The following TMPRSS6 variants were observed in gnomAD, a reference collection of about 807,000 sequenced individuals.
TMPRSS6 encodes transmembrane protease serine 6.
TMPRSS6 carries 67 observed loss-of-function variants against 101.5 expected under a neutral mutation model. The ratio of observed to expected loss-of-function variants is 0.66; its 90% CI spans 0.54 to 0.81. TMPRSS6 has a LOEUF of 0.81. Among genes scored for constraint, TMPRSS6 ranks in the 30% least tolerant of loss-of-function variants. The pLI is 0.00. For synonymous variants in TMPRSS6, 453 were observed against 464.9 expected, an observed-to-expected ratio of 0.97 and a Z score of 0.33; for missense variants, 1,034 against 1,088.7, an observed-to-expected ratio of 0.95 and a Z score of 0.71.
intron 13 of TMPRSS6, among the ~76,000 whole-genome samples, chr22:37,072,484 T>TG (rs1443175684): frequency 7.3e-5 from 4 of 54,796 alleles, no homozygotes; most frequent in African/African-American, 8.1e-5. Flanking sequence ...GATGGATGGA[T>TG]GATGGATGAT....
chr22:37,073,785 C>T (rs1012060065), intron 12 of TMPRSS6, 140 bp from the exon 13 acceptor site: 51 of 708,184 alleles, frequency 7.2e-5, no homozygotes, highest in Admixed American at 1.6e-4. Context: ...TTTTATGTCT[C>T]GCTCTTGTCA....
Position 37,074,603 on chromosome 22 carries a change from TACTCACCGC to T in TMPRSS6, c.1439_1441+6del. 2 of 1,612,406 alleles carry T rather than the reference TACTCACCGC, an allele frequency of 1.2e-6. No individual in the cohort carries two copies. The highest frequency in any genetic ancestry group is 1.7e-6 in the Non-Finnish European group (2 of 1,178,440). On this transcript the variant is annotated splice_donor_variant and splice_donor_5th_base_variant and coding_sequence_variant and intron_variant, in exon 12 of 18. Transcript: ENST00000676104. LOFTEE classifies it high-confidence loss of function. ...GGAGAGGAGGGATGCGCGGGCGGGTTACTCACCGCAGTTTCTCTCATCCAGGCCGTTGGG... is the reference window on the plus strand; with the variant it reads ...GGAGAGGAGGGATGCGCGGGCGGGTTAGTTTCTCTCATCCAGGCCGTTGGG...
intron 14 of TMPRSS6, 128 bp downstream of exon 14, chr22:37,070,788 C>A: frequency 7.6e-7 from 1 of 1,310,628 alleles, no homozygotes; most frequent in Non-Finnish European, 1.1e-6. Flanking sequence ...CATCAGGACC[C>A]AGGCAAGGGG....
chr22:37,095,025 G>T (rs998538159), intron 6 of TMPRSS6, among the ~76,000 whole-genome samples: 2 of 152,214 alleles, frequency 1.3e-5, no homozygotes, highest in Non-Finnish European at 2.9e-5. Context: ...TTGGAGAAAT[G>T]CAAGGTGACT....
intron 13 of TMPRSS6, among the ~76,000 whole-genome samples, chr22:37,071,902 GT>G (rs1328344703): frequency 2.0e-5 from 3 of 151,978 alleles, no homozygotes; most frequent in Non-Finnish European, 4.4e-5. Flanking sequence ...GGATGGATGG[GT>G]GGATGGATGG....
Position 37,070,595 on chromosome 22 carries a change from C to T in TMPRSS6, c.1730G>A (p.Gly577Asp). 6.2e-7 allele frequency: 1 copy of T among 1,613,250 alleles called. No homozygotes were observed. Among genetic ancestry groups the T allele is most frequent in the Non-Finnish European group, 8.5e-7 (1 of 1,180,024 alleles). The change falls in exon 15 of 18, where the codon GGT becomes GAT. Residue 577 changes from glycine (G) to aspartate (D), a missense_variant. By Grantham distance (94) the Gly-to-Asp change is moderately conservative. Coordinates refer to ENST00000676104, the MANE Select transcript of TMPRSS6 (RefSeq NM_001374504.1). Reference sequence around the variant, plus strand: ...GAGGCTGGCCTGCCATGGCCACTCACCCTCGGAGGACACAGCTCCACCAAC... The same window carrying T: ...GAGGCTGGCCTGCCATGGCCACTCATCCTCGGAGGACACAGCTCCACCAAC... ...RIVGGAVSSE[G>D]EWPWQASLQV... is the part of the protein sequence containing the mutation.
chr22:37,065,879 T>C lies in TMPRSS6; in HGVS notation c.*201A>G, dbSNP rs377214031. The stretch of plus-strand genomic sequence containing the variant: ...GGGCCTGGGTCCTCAGGGGACGTCT[T>C]GACCCCCAGCTGCTGGCACTTCTCC... On this transcript the variant is annotated 3_prime_UTR_variant, in exon 18 of 18. Coordinates refer to ENST00000676104, the MANE Select transcript of TMPRSS6 (RefSeq NM_001374504.1). The C allele has an allele frequency of 5.0e-5, 34 of 675,752 alleles. No homozygotes were observed. Among genetic ancestry groups the C allele is most frequent in the East Asian group, 1.4e-4 (5 of 36,416 alleles). The allele number at this position is 675,752 out of a possible 1,614,324, so 41.9% of individuals were successfully genotyped here. A position where few individuals can be genotyped will look rare whatever the true frequency, so the allele number is the denominator to read the frequency against.
chr22:37,097,937 G>C (rs228902), intron 3 of TMPRSS6, among the ~76,000 whole-genome samples: 151 of 1,398 alleles, frequency 0.11, 7 homozygotes, highest in South Asian at 0.21. Flanking sequence ...AACGGAGGGG[G>C]AGGAGAGGGC....
At position 37,086,820 on chromosome 22, in the gene TMPRSS6, C is replaced by T. The variant is rs560669990; in HGVS notation, c.837-401G>A. On this transcript the variant is annotated intron_variant, in intron 7 of 17. Coordinates refer to ENST00000676104, the MANE Select transcript of TMPRSS6 (RefSeq NM_001374504.1). The stretch of plus-strand genomic sequence containing the variant: ...CATCTGCAGGGACCACCGTTTCTGG[C>T]ACCGCGACTCCTGGCTGTGCTCAAG... Among the ~76,000 whole-genome samples, 29 of 152,264 alleles carry T rather than the reference C, an allele frequency of 1.9e-4. No individual in the cohort carries two copies. In the South Asian group the frequency reaches 6.0e-3, roughly 32 times the overall value.
rs1191640006 is a variant in TMPRSS6, at chr22:37,098,515, G to A, written c.237C>T (p.Tyr79=). 1.9e-6 allele frequency: 3 copies of A among 1,614,154 alleles called. No homozygotes were observed. Among genetic ancestry groups the A allele is most frequent in the South Asian group, 2.2e-5 (2 of 91,082 alleles). ...YKAEVMVSQV[Y]SGSLRVLNRH... ...GATTGAGTACACGCAGACTGCCTGAGTACACCTGGCTGACCATCACCTCCG... is the reference window on the plus strand; with the variant it reads ...GATTGAGTACACGCAGACTGCCTGAATACACCTGGCTGACCATCACCTCCG... The change falls in exon 3 of 18, where the codon TAC becomes TAT. Residue 79 remains tyrosine, a synonymous_variant. Coordinates refer to ENST00000676104, the MANE Select transcript of TMPRSS6 (RefSeq NM_001374504.1).
intron 1 of TMPRSS6, among the ~76,000 whole-genome samples, chr22:37,108,369 C>T (rs1367851401): frequency 2.6e-5 from 4 of 152,318 alleles, no homozygotes; most frequent in Middle Eastern, 3.4e-3. Flanking sequence ...GGCTGCCCCT[C>T]GCGATGTGCA....
At chr22:37,071,085 A>G (rs1249570023) in intron 13 of TMPRSS6, 53 bp from the exon 14 acceptor site, 1 of 1,546,094 alleles carries the variant, frequency 6.5e-7, no homozygotes. Context: ...CTGAGCCCCA[A>G]GGAAACCTTC....
intron 3 of TMPRSS6, among the ~76,000 whole-genome samples, chr22:37,098,138 C>CACCGTCCTGTAACGGAGGGGCAGGAG (rs1929985665): frequency 2.0e-5 from 3 of 151,548 alleles, no homozygotes; most frequent in Non-Finnish European, 4.4e-5. Flanking sequence ...AGGAGCGGGC[C>CACCGTCCTGTAACGGAGGGGCAGGAG]CTCAATAGTG....
At chr22:37,072,075 T>TGATG (rs375094560) in intron 13 of TMPRSS6, among the ~76,000 whole-genome samples, 5 of 137,664 alleles carry the variant, frequency 3.6e-5, no homozygotes, top group Non-Finnish European at 7.7e-5. Flanking sequence ...GTTGGATGGA[T>TGATG]GATGGATGGA....
In TMPRSS6 at chr22:37,098,497, T is replaced by C. The variant is rs138854412; in HGVS notation, c.255A>G (p.Val85=). ...VSQVYSGSLR[V]LNRHFSQDLT... is the part of the protein sequence containing the mutation. ...GATCCTGGGAGAAGTGGCGATTGAG[T>C]ACACGCAGACTGCCTGAGTACACCT... Residue 85 remains valine, a synonymous_variant, in exon 3 of 18, where the codon GTA becomes GTG. Transcript: ENST00000676104. 8.7e-6 allele frequency: 14 copies of C among 1,613,784 alleles called. No individual in the cohort carries two copies. Among genetic ancestry groups the C allele is most frequent in the Admixed American group, 1.7e-5 (1 of 59,974 alleles).
At chr22:37,097,788 C>T (rs1214678356) in intron 3 of TMPRSS6, among the ~76,000 whole-genome samples, 6 of 107,982 alleles carry the variant, frequency 5.6e-5, no homozygotes, top group African/African-American at 1.2e-4. Flanking sequence ...CAGGAGTGGG[C>T]CACCGTCCTG....
chr22:37,084,440 G>T, intron 9 of TMPRSS6, 36 bp from the exon 10 acceptor site: 1 of 1,536,716 alleles, frequency 6.5e-7, no homozygotes, highest in Non-Finnish European at 8.9e-7. Context: ...GTGGCCCATG[G>T]GGTGTGGCCA....
At position 37,070,490 on chromosome 22, in the gene TMPRSS6, T is replaced by C; in HGVS notation, c.1835A>G (p.Glu612Gly). ...CCCACACCCTCCCGCTCACCTGTCC[T>C]CCTGGAAGCAGTGGGCAGCTGTTAT... ...WVITAAHCFQ[E>G]DSMASTVLWT... Residue 612 changes from glutamate (E) to glycine (G), a missense_variant, in exon 15 of 18, where the codon GAG (glutamate) becomes GGG (glycine). Glu to Gly is a moderately conservative substitution (Grantham distance 98). Transcript: ENST00000676104. 1 of 1,613,412 alleles carries C rather than the reference T, an allele frequency of 6.2e-7. No homozygotes were observed. The highest frequency in any genetic ancestry group is 8.5e-7 in the Non-Finnish European group (1 of 1,179,954).
chr22:37,084,234 G>A, intron 10 of TMPRSS6, 61 bp downstream of exon 10: 1 of 1,409,680 alleles, frequency 7.1e-7, no homozygotes, highest in African/African-American at 1.4e-5. Flanking sequence ...TCACTATTGA[G>A]GAGGGAAGAG....
Sources: gnomAD v4.1 joint callset for allele counts (sites outside exome capture counted in the v4.1 genomes callset) on GRCh38, gnomAD v4.1.1 for gene constraint, MANE v1.5 for transcripts, NCBI Gene and HGNC (gene_info 2026-07-23, HGNC 2026-07-21) for gene names.